SCAPER: variants seen among roughly 807,000 people sequenced by gnomAD.
SCAPER encodes the protein S phase cyclin A-associated protein in the endoplasmic reticulum.
A neutral mutation model predicts 182.2 loss-of-function variants in SCAPER; 98 were observed. The ratio of observed to expected loss-of-function variants is 0.54; its 90% CI spans 0.46 to 0.64. The LOEUF (loss-of-function observed/expected upper bound fraction) is 0.64. Among genes scored for constraint, SCAPER ranks in the 30% least tolerant of loss-of-function variants. The pLI is 0.00. For missense variants in SCAPER, 1,432 were observed against 1,690.0 expected (o/e 0.85, Z 2.68); for synonymous variants, 605 against 564.6 (o/e 1.07, Z -1.01).
Position 76,535,618 on chromosome 15 carries a change from T to A in SCAPER, c.2839-30644A>T, listed in dbSNP as rs149088191. ...AAGTATCACATATTCCACAAACATT[T>A]ATGGAAAATTTATGTTGCCCAGACA... On this transcript the variant is annotated intron_variant, in intron 23 of 31. Coordinates refer to ENST00000563290, the MANE Select transcript of SCAPER (RefSeq NM_020843.4). Among the ~76,000 whole-genome samples the A allele has an allele frequency of 2.0e-4, 31 of 151,986 alleles. No homozygotes were observed. In the East Asian group the frequency reaches 3.7e-3, roughly 18 times the overall value.
At chr15:76,841,405 G>A (rs1452841443) in intron 5 of SCAPER, among the ~76,000 whole-genome samples, 1 of 152,130 alleles carries the variant, frequency 6.6e-6, no homozygotes, top group African/African-American at 2.4e-5. Flanking sequence ...ACAGCACTTT[G>A]GGAGGCCGAG....
intron 10 of SCAPER, among the ~76,000 whole-genome samples, chr15:76,770,356 T>C (rs561299258): frequency 6.8e-6 from 1 of 147,586 alleles, no homozygotes; most frequent in Non-Finnish European, 1.5e-5. Context: ...AGTATAATTT[T>C]AAAAAAAAAA....
Position 76,376,177 on chromosome 15 carries a change from G to A in SCAPER, c.3840C>T (p.Asn1280=). The change falls in exon 29 of 32, where the codon AAC becomes AAT. Residue 1280 remains asparagine, a synonymous_variant. Transcript: ENST00000563290. Reference sequence around the variant, plus strand: ...GGCCTCTTACCTGGTTATCTGGGTGGTTGACAGTGAAGTAGCCCACACAGA... The same window carrying A: ...GGCCTCTTACCTGGTTATCTGGGTGATTGACAGTGAAGTAGCCCACACAGA... ...VIVCVGYFTV[N]HPDNQVIVQS... is the part of the protein sequence containing the mutation. 1 of 1,613,974 alleles carries A rather than the reference G, an allele frequency of 6.2e-7. No homozygotes were observed. Among genetic ancestry groups the A allele is most frequent in the Non-Finnish European group, 8.5e-7 (1 of 1,179,868 alleles).
At chr15:76,776,079 C>T (rs1446260267) in intron 8 of SCAPER, among the ~76,000 whole-genome samples, 1 of 152,110 alleles carries the variant, frequency 6.6e-6, no homozygotes, top group Non-Finnish European at 1.5e-5. Flanking sequence ...AGATAGACTA[C>T]AGTAGACTGC....
In SCAPER at chr15:76,594,308, C is replaced by G. The variant is rs1402954490; in HGVS notation, c.2712-20024G>C. Among the ~76,000 whole-genome samples the G allele has an allele frequency of 1.7e-5, 2 of 119,950 alleles. 1 individual carries two copies. Among genetic ancestry groups the G allele is most frequent in the Non-Finnish European group, 4.0e-5 (2 of 49,590 alleles). The allele number at this position is 119,950 out of a possible 152,430, so 78.7% of individuals were successfully genotyped here. ...AATAGAAAGGAATGAACAAAGCCCC[C>G]AAGAAATACGGGAATATGTGAAAAG... On this transcript the variant is annotated intron_variant, in intron 22 of 31. Coordinates refer to ENST00000563290, the MANE Select transcript of SCAPER (RefSeq NM_020843.4).
In SCAPER at chr15:76,611,124, T is replaced by G. The variant is rs189601607; in HGVS notation, c.2711+10640A>C. On this transcript the variant is annotated intron_variant, in intron 22 of 31. Coordinates refer to ENST00000563290, the MANE Select transcript of SCAPER (RefSeq NM_020843.4). ...AATAAGCCCACACATTCACAGTCAA[T>G]TGATCTTTGACAAGGGCACCAAGAA... Among the ~76,000 whole-genome samples the G allele has an allele frequency of 1.5e-3, 234 of 152,146 alleles. 1 individual carries two copies. Among genetic ancestry groups the G allele is most frequent in the African/African-American group, 5.5e-3 (228 of 41,500 alleles).
At chr15:76,379,379 G>A (rs2042785732) in intron 28 of SCAPER, among the ~76,000 whole-genome samples, 1 of 152,198 alleles carries the variant, frequency 6.6e-6, no homozygotes, top group Admixed American at 6.5e-5. Context: ...GGAGAATTGT[G>A]AGAACCAGTC....
At chr15:76,641,708 G>A (rs977174555) in intron 21 of SCAPER, among the ~76,000 whole-genome samples, 16 of 152,166 alleles carry the variant, frequency 1.1e-4, no homozygotes, top group African/African-American at 3.9e-4. Context: ...GGCACTGGGG[G>A]TCAAAGTAAT....
Position 76,354,939 on chromosome 15 carries a change from A to G in SCAPER, c.3856-799T>C, listed in dbSNP as rs1437117297. Among the ~76,000 whole-genome samples the G allele has an allele frequency of 1.3e-5, 2 of 152,258 alleles. No homozygotes were observed. Among genetic ancestry groups the G allele is most frequent in the Non-Finnish European group, 2.9e-5 (2 of 68,042 alleles). Reference sequence around the variant, plus strand: ...AAGTAACCTTGATTAGACAGTTCTAATATGAAAGAGCTGGGTGACCCAAAG... The same window carrying G: ...AAGTAACCTTGATTAGACAGTTCTAGTATGAAAGAGCTGGGTGACCCAAAG... On this transcript the variant is annotated intron_variant, in intron 29 of 31. Coordinates refer to ENST00000563290, the MANE Select transcript of SCAPER (RefSeq NM_020843.4). The surrounding 1 kb of genome is among the most constrained non-coding windows in gnomAD (Gnocchi z 4.4).
chr15:76,428,893 T>TATATATATATATAA (rs561331843), intron 26 of SCAPER, among the ~76,000 whole-genome samples: 4 of 139,574 alleles, frequency 2.9e-5, no homozygotes, highest in Non-Finnish European at 4.6e-5. Context: ...TATATATATA[T>TATATATATATATAA]AAACATCAAA....
At chr15:76,571,653 G>A (rs146023224) in intron 23 of SCAPER, among the ~76,000 whole-genome samples, 105 of 152,240 alleles carry the variant, frequency 6.9e-4, no homozygotes, top group African/African-American at 2.2e-3. Context: ...AAATAAAGAC[G>A]TCAAGATTCA....
intron 25 of SCAPER, among the ~76,000 whole-genome samples, chr15:76,449,243 A>G (rs904868346): frequency 6.6e-6 from 1 of 152,252 alleles, no homozygotes; most frequent in Admixed American, 6.5e-5. Flanking sequence ...CTCTTCCACA[A>G]TATTCATTTG....
chr15:76,837,929 G>A (rs544602024), intron 5 of SCAPER, among the ~76,000 whole-genome samples: 1 of 152,260 alleles, frequency 6.6e-6, no homozygotes, highest in African/African-American at 2.4e-5. Flanking sequence ...TAGAGAAAAG[G>A]GAATGCTTAT....
chr15:76,456,775 C>A (rs552398430), intron 25 of SCAPER, among the ~76,000 whole-genome samples: 1 of 152,110 alleles, frequency 6.6e-6, no homozygotes, highest in Admixed American at 6.5e-5. Context: ...ATTTTTGCTT[C>A]ATGTATTTTG....
intron 5 of SCAPER, among the ~76,000 whole-genome samples, chr15:76,822,220 G>A (rs978444961): frequency 3.3e-5 from 5 of 152,150 alleles, no homozygotes; most frequent in Non-Finnish European, 7.3e-5. Context: ...CCACTCAGGT[G>A]TATGATATTG....
At chr15:76,470,246 A>G (rs1054611192) in intron 25 of SCAPER, among the ~76,000 whole-genome samples, 9 of 152,186 alleles carry the variant, frequency 5.9e-5, no homozygotes, top group Non-Finnish European at 1.0e-4. Context: ...TCCTGTCCTC[A>G]TCGATTTTAT....
At chr15:76,723,558 G>A (rs539001144) in intron 17 of SCAPER, among the ~76,000 whole-genome samples, 7 of 152,084 alleles carry the variant, frequency 4.6e-5, no homozygotes, top group Non-Finnish European at 1.0e-4. Flanking sequence ...ATTATTGTGT[G>A]GAAGTCTAAG....
At chr15:76,511,847 G>A (rs201866281) in intron 23 of SCAPER, among the ~76,000 whole-genome samples, 5 of 94,854 alleles carry the variant, frequency 5.3e-5, no homozygotes, top group East Asian at 4.5e-4. Context: ...ATATATATGT[G>A]TGTGTGTGTG....
chr15:76,751,804 C>A (rs891006217), intron 15 of SCAPER, among the ~76,000 whole-genome samples: 1 of 151,440 alleles, frequency 6.6e-6, no homozygotes, highest in East Asian at 1.9e-4. Context: ...CAAAGTGTCA[C>A]GACACTAGAT....
Sources: gnomAD v4.1 joint callset for allele counts (sites outside exome capture counted in the v4.1 genomes callset) on GRCh38, gnomAD v4.1.1 for gene constraint, Gnocchi (gnomAD v3.1) non-coding constraint, MANE v1.5 for transcripts, NCBI Gene and HGNC (gene_info 2026-07-23, HGNC 2026-07-21) for gene names.